Variants in KIAA1549 observed in about 807,000 individuals in gnomAD.
The protein encoded by KIAA1549 is UPF0606 protein KIAA1549.
KIAA1549 carries 70 observed loss-of-function variants against 156.4 expected under a neutral mutation model. The ratio of observed to expected loss-of-function variants is 0.45; its 90% CI spans 0.37 to 0.55. KIAA1549 has a LOEUF of 0.55. Ranked by LOEUF, KIAA1549 falls within the 20% of genes least tolerant of loss-of-function variation. The pLI, the probability that KIAA1549 is intolerant of heterozygous loss-of-function variation, is 0.00. For synonymous variants in KIAA1549, 1,103 were observed against 1,066.4 expected (o/e 1.03, Z -0.67); for missense variants, 2,428 against 2,540.9 (o/e 0.96, Z 0.96).
At chr7:138,854,395 A>G (rs1810321988) in intron 16 of KIAA1549, among the ~76,000 whole-genome samples, 1 of 152,182 alleles carries the variant, frequency 6.6e-6, no homozygotes, top group Non-Finnish European at 1.5e-5. Flanking sequence ...TTCTCAAGGA[A>G]GCAGCAATAC....
intron 1 of KIAA1549, among the ~76,000 whole-genome samples, chr7:138,935,171 T>C (rs569931703): frequency 6.6e-6 from 1 of 152,262 alleles, no homozygotes; most frequent in East Asian, 1.9e-4. Context: ...AATACTGAAA[T>C]ACTAATACTG....
At chr7:138,961,592 CCA>C (rs1350787691) in intron 1 of KIAA1549, among the ~76,000 whole-genome samples, 1 of 152,206 alleles carries the variant, frequency 6.6e-6, no homozygotes, top group Non-Finnish European at 1.5e-5. Context: ...CTTCTGTGAT[CCA>C]CAGATACTAT....
At chr7:138,946,059 C>T (rs1177208723) in intron 1 of KIAA1549, among the ~76,000 whole-genome samples, 1 of 152,110 alleles carries the variant, frequency 6.6e-6, no homozygotes, top group Non-Finnish European at 1.5e-5. Context: ...CACCCCTAAG[C>T]TCTCTCCACC....
At chr7:138,966,205 T>G (rs1814019843) in intron 1 of KIAA1549, among the ~76,000 whole-genome samples, 1 of 152,064 alleles carries the variant, frequency 6.6e-6, no homozygotes, top group Non-Finnish European at 1.5e-5. Context: ...AAGATGTAGT[T>G]AAAATAAGGT....
intron 2 of KIAA1549, 31 bp from the exon 3 acceptor site, chr7:138,912,491 T>C: frequency 6.5e-7 from 1 of 1,549,598 alleles, no homozygotes; most frequent in Non-Finnish European, 8.9e-7. Flanking sequence ...CCAAATGCCT[T>C]TTCATGTCAT....
intron 1 of KIAA1549, among the ~76,000 whole-genome samples, chr7:138,932,762 C>T (rs577550328): frequency 2.8e-4 from 43 of 152,296 alleles, no homozygotes; most frequent in South Asian, 6.2e-4. Flanking sequence ...AATGCAGCAT[C>T]TCAGGCCCAC....
At chr7:138,855,457 T>C (rs1403410763) in intron 16 of KIAA1549, among the ~76,000 whole-genome samples, 3 of 152,206 alleles carry the variant, frequency 2.0e-5, no homozygotes, top group Non-Finnish European at 4.4e-5. Context: ...TGGTGAGAGA[T>C]GACGGTGGCT....
At chr7:138,939,192 TAA>T (rs1247013107) in intron 1 of KIAA1549, among the ~76,000 whole-genome samples, 14 of 152,220 alleles carry the variant, frequency 9.2e-5, no homozygotes, top group African/African-American at 3.1e-4. Context: ...ATAAGGACTT[TAA>T]AAAATTATAA....
chr7:138,846,037 A>G (rs4728452), intron 17 of KIAA1549, among the ~76,000 whole-genome samples: 152,048 of 152,342 alleles, frequency 1, 75,878 homozygotes, highest in Middle Eastern at 1. Context: ...TGCTTTCTAT[A>G]TATTTCCTCT....
At chr7:138,857,339 T>C (rs1810422683) in intron 16 of KIAA1549, among the ~76,000 whole-genome samples, 1 of 152,238 alleles carries the variant, frequency 6.6e-6, no homozygotes, top group African/African-American at 2.4e-5. Flanking sequence ...AAATGTGGTA[T>C]ATTCGTAAAT....
At position 138,844,385 on chromosome 7, in the gene KIAA1549, G is replaced by A; in HGVS notation, c.5384C>T (p.Ala1795Val). 4 of 1,611,578 alleles carry A rather than the reference G, an allele frequency of 2.5e-6. No homozygotes were observed. The highest frequency in any genetic ancestry group is 2.5e-6 in the Non-Finnish European group (3 of 1,178,628). Residue 1795 changes from alanine (A) to valine (V), a missense_variant, in exon 18 of 20, where the codon GCT becomes GTT. Physicochemically the swap from Ala to Val is moderately conservative, Grantham distance 64 (BLOSUM62 0). Transcript: ENST00000422774. ...QPQASAEAPFAARGIYSEEMP... is the reference protein window; with the variant it reads ...QPQASAEAPFVARGIYSEEMP... ...CTCCTCCGAGTAGATCCCTCTGGCA[G>A]CAAATGGGGCTTCGGCGGAGGCCTG...
intron 1 of KIAA1549, among the ~76,000 whole-genome samples, chr7:138,979,115 G>A (rs1207031874): frequency 6.6e-6 from 1 of 152,244 alleles, no homozygotes; most frequent in Non-Finnish European, 1.5e-5. Context: ...CCTAGTCTAT[G>A]AGCCTGGCAG....
intron 1 of KIAA1549, among the ~76,000 whole-genome samples, chr7:138,933,465 G>T (rs762454975): frequency 1.3e-5 from 2 of 152,186 alleles, no homozygotes; most frequent in Non-Finnish European, 2.9e-5. Flanking sequence ...AATGTGATGT[G>T]CAAGTCTGGA....
intron 1 of KIAA1549, among the ~76,000 whole-genome samples, chr7:138,942,700 G>A (rs1268103937): frequency 2.6e-5 from 4 of 152,092 alleles, no homozygotes; most frequent in Admixed American, 2.6e-4. Flanking sequence ...CACAAGGTCA[G>A]GAGATCGAGA....
At chr7:138,865,427 T>C (rs564396294) in intron 15 of KIAA1549, among the ~76,000 whole-genome samples, 165 of 149,134 alleles carry the variant, frequency 1.1e-3, no homozygotes, top group African/African-American at 4.0e-3. Flanking sequence ...TTCCCTAGTA[T>C]AGGCTTGAAG....
At position 138,840,387 on chromosome 7, in the gene KIAA1549, T is replaced by G; in HGVS notation, c.5453-109A>C. ...CAACTCTGACCACTACACTCCTTAATGACAAGGGATCAGGACTTGGTACCA... is the reference window on the plus strand; with the variant it reads ...CAACTCTGACCACTACACTCCTTAAGGACAAGGGATCAGGACTTGGTACCA... On this transcript the variant is annotated intron_variant, in intron 18 of 19. Transcript: ENST00000422774. 5.3e-6 allele frequency: 5 copies of G among 935,462 alleles called. No individual in the cohort carries two copies. The South Asian group carries it at 8.9e-5, about 17-fold the overall frequency. The allele number at this position is 935,462 out of a possible 1,614,324, so 57.9% of individuals were successfully genotyped here. A position where few individuals can be genotyped will look rare whatever the true frequency, so the allele number is the denominator to read the frequency against.
intron 8 of KIAA1549, among the ~76,000 whole-genome samples, chr7:138,899,409 C>A (rs1171656595): frequency 6.6e-6 from 1 of 152,110 alleles, no homozygotes; most frequent in African/African-American, 2.4e-5. Flanking sequence ...CCAGGGCTGG[C>A]GAGTCCAGGT....
chr7:138,924,187 TTTTTTTTC>T (rs1188090792), intron 1 of KIAA1549, among the ~76,000 whole-genome samples: 1 of 147,766 alleles, frequency 6.8e-6, no homozygotes, highest in Non-Finnish European at 1.5e-5. Flanking sequence ...CTTTTCTTTT[TTTTTTTTC>T]TTTTTTTTTT....
intron 1 of KIAA1549, among the ~76,000 whole-genome samples, chr7:138,979,568 C>A (rs558081927): frequency 6.6e-6 from 1 of 152,268 alleles, no homozygotes; most frequent in South Asian, 2.1e-4. Context: ...AGATGGAAAC[C>A]ATTTATCTGC....
Sources: gnomAD v4.1 joint callset for allele counts (sites outside exome capture counted in the v4.1 genomes callset) on GRCh38, gnomAD v4.1.1 for gene constraint, MANE v1.5 for transcripts, NCBI Gene and HGNC (gene_info 2026-07-23, HGNC 2026-07-21) for gene names.